Variants in TANGO6 observed in about 807,000 individuals in gnomAD.
TANGO6 encodes the protein transport and Golgi organization protein 6 homolog.
Under a neutral mutation model 114.2 loss-of-function variants are expected in TANGO6, and 90 were observed. The observed-to-expected ratio is 0.79, with a 90% confidence interval of 0.66 to 0.94. TANGO6 has a LOEUF of 0.94. TANGO6 is among the 40% of genes least tolerant of loss of function. The probability of loss-of-function intolerance (pLI) is 0.00; values close to 1 mark genes in which losing one functional copy is unlikely to be tolerated. For synonymous variants in TANGO6, 477 were observed against 509.8 expected (o/e 0.94, Z 0.87); for missense variants, 1,274 against 1,315.3 (o/e 0.97, Z 0.49).
intron 11 of TANGO6, among the ~76,000 whole-genome samples, chr16:68,916,836 A>T (rs1297551512): frequency 6.6e-6 from 1 of 152,126 alleles, no homozygotes; most frequent in Non-Finnish European, 1.5e-5. Context: ...CACTCACACA[A>T]CATAGCCTCC....
intron 15 of TANGO6, among the ~76,000 whole-genome samples, chr16:68,978,444 A>G (rs62055818): frequency 1.2e-3 from 180 of 152,118 alleles, no homozygotes; most frequent in Non-Finnish European, 1.9e-3. Flanking sequence ...TCTGTAGCCT[A>G]CTCTTCAGAG....
chr16:68,847,608 G>A (rs902587909), intron 1 of TANGO6, among the ~76,000 whole-genome samples: 7 of 152,224 alleles, frequency 4.6e-5, no homozygotes, highest in African/African-American at 1.7e-4. Flanking sequence ...GTGGCAACAA[G>A]AGGGAAATAA....
chr16:68,975,556 C>CT (rs371217183), intron 15 of TANGO6, among the ~76,000 whole-genome samples: 48 of 146,450 alleles, frequency 3.3e-4, no homozygotes, highest in Middle Eastern at 3.6e-3. Context: ...TCTTTCTTTT[C>CT]TTTTTTTTTT....
At chr16:69,013,113 C>G (rs192000029) in intron 15 of TANGO6, among the ~76,000 whole-genome samples, 482 of 151,172 alleles carry the variant, frequency 3.2e-3, no homozygotes, top group Middle Eastern at 0.01. Flanking sequence ...TAAGTAGTTA[C>G]ACACCTTTTT....
chr16:69,083,095 C>CT (rs1201400628), intron 17 of TANGO6, among the ~76,000 whole-genome samples: 1,376 of 120,236 alleles, frequency 0.011, 27 homozygotes, highest in East Asian at 0.06. Flanking sequence ...GCATTATCTT[C>CT]TTTTTTTTTT....
chr16:68,980,383 T>TTCTC (rs143061953), intron 15 of TANGO6, among the ~76,000 whole-genome samples: 526 of 36,814 alleles, frequency 0.014, 18 homozygotes, highest in South Asian at 0.025. Flanking sequence ...CTGTCTGTCA[T>TTCTC]TCTCTCTCTC....
At chr16:69,033,131 AG>A (rs764554096) in intron 16 of TANGO6, among the ~76,000 whole-genome samples, 20 of 149,554 alleles carry the variant, frequency 1.3e-4, no homozygotes, top group South Asian at 6.4e-4. Context: ...GGTTGCAGTG[AG>A]CTGAGATCAC....
At chr16:68,952,141 T>C (rs986206284) in intron 14 of TANGO6, among the ~76,000 whole-genome samples, 3 of 152,182 alleles carry the variant, frequency 2.0e-5, no homozygotes, top group Admixed American at 6.5e-5. Context: ...CTTTACAAGC[T>C]ATTAAGGAGG....
At chr16:68,944,461 A>G (rs1325020125) in intron 14 of TANGO6, among the ~76,000 whole-genome samples, 2 of 152,174 alleles carry the variant, frequency 1.3e-5, no homozygotes. Flanking sequence ...CTCACAGCTG[A>G]GGTCTGCCAG....
chr16:69,012,581 A>C (rs866835827), intron 15 of TANGO6, among the ~76,000 whole-genome samples: 2 of 111,994 alleles, frequency 1.8e-5, no homozygotes, highest in African/African-American at 7.5e-5. Context: ...AAAAAAAAGG[A>C]AAAAAAAAAA....
intron 15 of TANGO6, among the ~76,000 whole-genome samples, chr16:68,998,178 A>T (rs1964010131): frequency 1.3e-5 from 2 of 152,206 alleles, no homozygotes; most frequent in African/African-American, 4.8e-5. Flanking sequence ...GGCAGTTGTA[A>T]CCAAGCTAAT....
chr16:68,887,219 A>T (rs540910776), intron 7 of TANGO6, among the ~76,000 whole-genome samples: 1 of 152,052 alleles, frequency 6.6e-6, no homozygotes, highest in Non-Finnish European at 1.5e-5. Context: ...GGTCTATTTT[A>T]TCTTGGTGCC....
chr16:68,981,940 A>C (rs1963840160), intron 15 of TANGO6, among the ~76,000 whole-genome samples: 1 of 152,236 alleles, frequency 6.6e-6, no homozygotes, highest in Admixed American at 6.5e-5. Flanking sequence ...CAAGTGTTTC[A>C]GATAAGAGAT....
At chr16:68,927,544 G>C in intron 12 of TANGO6, 24 bp from the exon 13 acceptor site, 6 of 1,601,796 alleles carry the variant, frequency 3.7e-6, no homozygotes, top group Middle Eastern at 1.7e-4. Flanking sequence ...ATTTGGGTTT[G>C]ACATTTTTTA....
intron 15 of TANGO6, among the ~76,000 whole-genome samples, chr16:68,976,887 G>A (rs1597044279): frequency 6.6e-6 from 1 of 152,120 alleles, no homozygotes; most frequent in South Asian, 2.1e-4. Flanking sequence ...CACTTCTTAG[G>A]TACTGCTGTA....
intron 11 of TANGO6, among the ~76,000 whole-genome samples, chr16:68,911,372 C>G (rs879588198): frequency 6.6e-6 from 1 of 151,174 alleles, no homozygotes; most frequent in Non-Finnish European, 1.5e-5. Context: ...GAAGCAATGA[C>G]AACCCAGTAG....
chr16:68,867,126 G>T lies in TANGO6; in HGVS notation c.900G>T (p.Trp300Cys), dbSNP rs1962190978. The T allele has an allele frequency of 1.2e-6, 2 of 1,613,858 alleles. No individual in the cohort carries two copies. The highest frequency in any genetic ancestry group is 1.7e-6 in the Non-Finnish European group (2 of 1,179,876). The change falls in exon 4 of 18, where the codon TGG becomes TGT. Residue 300 changes from tryptophan (W) to cysteine (C), a missense_variant. Around this residue, in one of 5 missense-constraint regions of TANGO6, gnomAD observed 908 missense variants for 910.2 expected, o/e 1.00. Transcript: ENST00000261778. ...AGATGAGGTGTCGGGCCCCAGCTTG[G>T]CTTCGGCGTCTATGTGGACAGCTGC... ...KTQMRCRAPA[W>C]LRRLCGQLLS...
intron 12 of TANGO6, among the ~76,000 whole-genome samples, chr16:68,926,423 G>A (rs981030043): frequency 1.3e-5 from 2 of 151,864 alleles, no homozygotes; most frequent in African/African-American, 4.8e-5. Context: ...GAACCCGGGA[G>A]GTGGAGGTTG....
At chr16:68,918,332 G>A (rs904750437) in intron 11 of TANGO6, among the ~76,000 whole-genome samples, 7 of 152,148 alleles carry the variant, frequency 4.6e-5, no homozygotes, top group Non-Finnish European at 1.0e-4. Context: ...TCTTGACAGT[G>A]TCTTTCGCAG....
Sources: allele counts gnomAD v4.1 joint callset (sites outside exome capture counted in the v4.1 genomes callset), GRCh38; gene constraint gnomAD v4.1.1; regional missense constraint gnomAD v4.1.1; transcripts MANE v1.5; gene names NCBI Gene and HGNC (gene_info 2026-07-23, HGNC 2026-07-21).